The following CDKL4 variants were observed in gnomAD, a reference collection of about 807,000 sequenced individuals.
The protein encoded by CDKL4 is cyclin-dependent kinase-like 4.
CDKL4 carries 44 observed loss-of-function variants against 42.0 expected under a neutral mutation model. That is an observed-to-expected ratio of 1.05 (90% CI 0.82 to 1.35). The LOEUF is 1.35. Among genes scored for constraint, CDKL4 ranks in the 40% most tolerant of loss-of-function variants. The pLI, the probability that CDKL4 is intolerant of heterozygous loss-of-function variation, is 0.00. For synonymous variants in CDKL4, 120 were observed against 121.6 expected (o/e 0.99, Z 0.09); for missense variants, 393 against 369.9 (o/e 1.06, Z -0.51).
intron 5 of CDKL4, among the ~76,000 whole-genome samples, chr2:39,196,464 A>G (rs922599515): frequency 8.5e-5 from 13 of 152,180 alleles, no homozygotes; most frequent in African/African-American, 3.1e-4. Flanking sequence ...TCCCTAGGGG[A>G]AAGGGGAGAG....
At chr2:39,237,500 T>G (rs1324180512) in intron 1 of CDKL4, among the ~76,000 whole-genome samples, 1 of 152,194 alleles carries the variant, frequency 6.6e-6, no homozygotes, top group Non-Finnish European at 1.5e-5. Flanking sequence ...TTTATCATTG[T>G]ATTGAAAGTT....
chr2:39,190,849 G>T (rs1470378157), intron 5 of CDKL4, among the ~76,000 whole-genome samples: 1 of 152,134 alleles, frequency 6.6e-6, no homozygotes, highest in African/African-American at 2.4e-5. Flanking sequence ...GCACTGAATT[G>T]TGTCCCCTCC....
intron 8 of CDKL4, 100 bp from the exon 9 acceptor site, chr2:39,179,421 G>T: frequency 1.0e-6 from 1 of 998,282 alleles, no homozygotes; most frequent in South Asian, 2.0e-5. Flanking sequence ...TATGAGTTTA[G>T]AAAATCTTCC....
At chr2:39,193,270 TAAAA>T (rs1191502183) in intron 5 of CDKL4, among the ~76,000 whole-genome samples, 1 of 136,038 alleles carries the variant, frequency 7.4e-6, no homozygotes. Flanking sequence ...CTCTCTCTGT[TAAAA>T]AAAAAAAAAA....
intron 9 of CDKL4, 83 bp from the exon 10 acceptor site, chr2:39,176,179 A>T (rs1675158925): frequency 5.1e-6 from 2 of 393,182 alleles, no homozygotes; most frequent in Non-Finnish European, 5.2e-6. Flanking sequence ...ATGATAAGAC[A>T]AGCAGATACT....
At chr2:39,177,468 G>A (rs1403653424) in intron 9 of CDKL4, among the ~76,000 whole-genome samples, 1 of 147,654 alleles carries the variant, frequency 6.8e-6, no homozygotes, top group Non-Finnish European at 1.5e-5. Flanking sequence ...GCAGTGGCAC[G>A]ATCTCGGCTC....
downstream of CDKL4, among the ~76,000 whole-genome samples, chr2:39,171,432 T>C (rs1674997834): frequency 6.6e-6 from 1 of 152,128 alleles, no homozygotes; most frequent in African/African-American, 2.4e-5. Flanking sequence ...TTCAAAAGCT[T>C]CTTGAATACA....
At chr2:39,177,495 C>G (rs1675214216) in intron 9 of CDKL4, among the ~76,000 whole-genome samples, 2 of 151,322 alleles carry the variant, frequency 1.3e-5, no homozygotes, top group African/African-American at 4.9e-5. Context: ...ACCTCCGCCT[C>G]CAGGGTTTAA....
the CDKL4 span, among the ~76,000 whole-genome samples, chr2:39,170,212 A>G: frequency 6.6e-6 from 1 of 150,736 alleles, no homozygotes; most frequent in South Asian, 2.1e-4. Context: ...AACAAGAATG[A>G]AGTTGTTAAT....
chr2:39,218,962 C>T (rs1162952258), intron 3 of CDKL4, among the ~76,000 whole-genome samples: 5 of 152,170 alleles, frequency 3.3e-5, no homozygotes, highest in Non-Finnish European at 7.3e-5. Context: ...TTGACTAATA[C>T]ACCTCCTGGG....
intron 8 of CDKL4, among the ~76,000 whole-genome samples, chr2:39,181,420 A>G (rs1675432248): frequency 1.3e-5 from 2 of 152,152 alleles, no homozygotes; most frequent in South Asian, 4.1e-4. Context: ...AGTTTACCAG[A>G]GATTTCCACA....
intron 1 of CDKL4, among the ~76,000 whole-genome samples, chr2:39,242,746 A>G (rs1029654553): frequency 7.9e-5 from 12 of 152,176 alleles, no homozygotes; most frequent in Admixed American, 6.6e-4. Context: ...AGAAGAGTGA[A>G]AAAACACATT....
At chr2:39,229,521 A>G (rs754791362) in exon 2 of CDKL4, 6 of 1,603,828 alleles carry the variant, frequency 3.7e-6, no homozygotes, top group Middle Eastern at 1.7e-4. Flanking sequence ...CTAATTTTTC[A>G]TACTTTTCCA....
chr2:39,244,576 G>T (rs1679826984), upstream of CDKL4, among the ~76,000 whole-genome samples: 1 of 152,188 alleles, frequency 6.6e-6, no homozygotes, highest in African/African-American at 2.4e-5. Flanking sequence ...ATGGGTTCCT[G>T]TGCGGCCGGA....
At chr2:39,216,408 A>T (rs1358025130) in intron 3 of CDKL4, among the ~76,000 whole-genome samples, 1 of 152,190 alleles carries the variant, frequency 6.6e-6, no homozygotes, top group Non-Finnish European at 1.5e-5. Flanking sequence ...GTTGGCAGAA[A>T]TCAGTCCATG....
upstream of CDKL4, among the ~76,000 whole-genome samples, chr2:39,246,630 C>T (rs1679925422): frequency 6.6e-6 from 1 of 152,194 alleles, no homozygotes; most frequent in African/African-American, 2.4e-5. Flanking sequence ...ATGCCTTGGT[C>T]TAGGCTACAG....
downstream of CDKL4, among the ~76,000 whole-genome samples, chr2:39,171,360 C>T (rs1477804079): frequency 6.6e-6 from 1 of 152,118 alleles, no homozygotes; most frequent in African/African-American, 2.4e-5. Context: ...TCTGTTTCAA[C>T]TCTTCATCCC....
intron 7 of CDKL4, among the ~76,000 whole-genome samples, chr2:39,187,395 A>T (rs1310458357): frequency 2.0e-5 from 3 of 152,132 alleles, no homozygotes; most frequent in Non-Finnish European, 4.4e-5. Flanking sequence ...TTAAAAAAGA[A>T]ACAGGCCAGG....
At chr2:39,238,894 G>C (rs1005713868) in intron 1 of CDKL4, among the ~76,000 whole-genome samples, 5 of 152,296 alleles carry the variant, frequency 3.3e-5, no homozygotes, top group African/African-American at 1.2e-4. Context: ...TGGGATTACA[G>C]GCATGTGCCA....
Sources: allele counts gnomAD v4.1 joint callset (sites outside exome capture counted in the v4.1 genomes callset), GRCh38; gene constraint gnomAD v4.1.1; transcripts MANE v1.5; gene names NCBI Gene and HGNC (gene_info 2026-07-23, HGNC 2026-07-21).